SYN3: variants seen among roughly 807,000 people sequenced by gnomAD.
SYN3 encodes the protein synapsin III.
A neutral mutation model predicts 65.8 loss-of-function variants in SYN3; 35 were observed. The observed-to-expected ratio is 0.53, with a 90% CI of 0.41 to 0.70. SYN3 has a LOEUF of 0.70. Ranked by LOEUF, SYN3 falls within the 30% of genes least tolerant of loss-of-function variation. SYN3 has a pLI of 0.00. For missense variants in SYN3, 680 were observed against 749.0 expected, an observed-to-expected ratio of 0.91 and a Z score of 1.08; for synonymous variants, 270 against 292.9, an observed-to-expected ratio of 0.92 and a Z score of 0.80.
At chr22:32,523,381 C>T (rs1171741447) in intron 12 of SYN3, among the ~76,000 whole-genome samples, 1 of 152,142 alleles carries the variant, frequency 6.6e-6, no homozygotes, top group Admixed American at 6.5e-5. Context: ...GGTGTGGTGG[C>T]ATGCACCTGC....
intron 1 of SYN3, among the ~76,000 whole-genome samples, chr22:33,028,932 C>T (rs925081681): frequency 6.6e-6 from 1 of 151,672 alleles, no homozygotes; most frequent in Non-Finnish European, 1.5e-5. Flanking sequence ...CCCAGCTACT[C>T]GGGAGGCTGA....
intron 6 of SYN3, among the ~76,000 whole-genome samples, chr22:32,657,703 T>C (rs1383984250): frequency 6.6e-6 from 1 of 152,110 alleles, no homozygotes; most frequent in Non-Finnish European, 1.5e-5. Flanking sequence ...GACACAGCAG[T>C]CATGAACTGG....
intron 6 of SYN3, among the ~76,000 whole-genome samples, chr22:32,777,402 A>G (rs2045934114): frequency 6.6e-6 from 1 of 151,454 alleles, no homozygotes; most frequent in Non-Finnish European, 1.5e-5. Context: ...TTTTAATCCA[A>G]TTATTATCAC....
At chr22:32,764,710 C>T (rs932297035) in intron 6 of SYN3, among the ~76,000 whole-genome samples, 4 of 152,174 alleles carry the variant, frequency 2.6e-5, no homozygotes, top group Non-Finnish European at 5.9e-5. Context: ...GAATTAGGGG[C>T]ATTTAAAACT....
intron 6 of SYN3, among the ~76,000 whole-genome samples, chr22:32,727,234 C>T (rs577538421): frequency 5.9e-4 from 90 of 152,172 alleles, no homozygotes; most frequent in African/African-American, 2.0e-3. Flanking sequence ...TGAGAACATG[C>T]GTTATTTGGT....
intron 4 of SYN3, among the ~76,000 whole-genome samples, chr22:32,925,083 C>T (rs1338166482): frequency 6.6e-6 from 1 of 151,786 alleles, no homozygotes; most frequent in South Asian, 2.1e-4. Flanking sequence ...CAGAGAGAGA[C>T]CCTGTCTCAA....
Position 32,518,943 on chromosome 22 carries a change from C to G in SYN3, c.1319-609G>C, listed in dbSNP as rs542536375. On this transcript the variant is annotated intron_variant, in intron 12 of 13. Coordinates refer to ENST00000358763, the MANE Select transcript of SYN3 (RefSeq NM_003490.4). ...TACGGTGGGGCCCTAATCTGATAGG[C>G]CTGGTGTCCTTATAAGAGGAGAAAG... Among the ~76,000 whole-genome samples, 15 of 152,132 alleles carry G rather than the reference C, an allele frequency of 9.9e-5. No individual in the cohort carries two copies. In the South Asian group the frequency reaches 3.1e-3, roughly 32 times the overall value.
intron 7 of SYN3, among the ~76,000 whole-genome samples, chr22:32,575,751 C>T (rs2058841766): frequency 6.6e-6 from 1 of 152,148 alleles, no homozygotes; most frequent in Non-Finnish European, 1.5e-5. Context: ...GCTAAAATGA[C>T]TCTGGGCACG....
chr22:32,867,008 C>T (rs1191228773), intron 5 of SYN3, among the ~76,000 whole-genome samples: 2 of 152,170 alleles, frequency 1.3e-5, no homozygotes, highest in African/African-American at 4.8e-5. Flanking sequence ...ACTACCACCA[C>T]TTTCCAAATA....
chr22:32,738,291 C>T (rs558264170), intron 6 of SYN3, among the ~76,000 whole-genome samples: 55 of 152,324 alleles, frequency 3.6e-4, no homozygotes, highest in African/African-American at 1.3e-3. Context: ...AGAGATAACA[C>T]CTGCAGAGGC....
At chr22:32,962,503 A>C (rs2051686536) in intron 3 of SYN3, among the ~76,000 whole-genome samples, 1 of 152,226 alleles carries the variant, frequency 6.6e-6, no homozygotes, top group African/African-American at 2.4e-5. Flanking sequence ...GACTGAAAAG[A>C]AACCCAAAGC....
chr22:32,960,125 G>T (rs1316889364), intron 3 of SYN3, among the ~76,000 whole-genome samples: 1 of 152,168 alleles, frequency 6.6e-6, no homozygotes, highest in Non-Finnish European at 1.5e-5. Flanking sequence ...CTGATGCTTT[G>T]ACCCCTGGGC....
At chr22:33,029,016 G>A (rs1446295695) in intron 1 of SYN3, among the ~76,000 whole-genome samples, 1 of 151,690 alleles carries the variant, frequency 6.6e-6, no homozygotes. Context: ...CTACAGCCTG[G>A]GTGACAGAGC....
At chr22:33,002,275 G>T (rs1330768970) in intron 2 of SYN3, among the ~76,000 whole-genome samples, 1 of 152,178 alleles carries the variant, frequency 6.6e-6, no homozygotes, top group East Asian at 1.9e-4. Context: ...TGAGCAGGAA[G>T]CAGTAAAGTC....
At chr22:32,727,223 G>A (rs916451843) in intron 6 of SYN3, among the ~76,000 whole-genome samples, 3 of 152,048 alleles carry the variant, frequency 2.0e-5, no homozygotes, top group South Asian at 2.1e-4. Context: ...CCACTTATAC[G>A]TGAGAACATG....
At chr22:32,912,076 A>C (rs1348707273) in intron 4 of SYN3, among the ~76,000 whole-genome samples, 1 of 152,216 alleles carries the variant, frequency 6.6e-6, no homozygotes, top group Non-Finnish European at 1.5e-5. Context: ...GAATTTAGAA[A>C]TAATACATGC....
chr22:32,903,311 C>T (rs867129202), intron 4 of SYN3, among the ~76,000 whole-genome samples: 6 of 152,312 alleles, frequency 3.9e-5, no homozygotes, highest in Middle Eastern at 3.4e-3. Context: ...TATGTAAGTG[C>T]AAGCTGTTAT....
At chr22:32,588,830 C>T (rs139861132) in intron 7 of SYN3, among the ~76,000 whole-genome samples, 238 of 152,260 alleles carry the variant, frequency 1.6e-3, no homozygotes, top group African/African-American at 5.6e-3. Context: ...AGGTGGGAGG[C>T]AGGTCTTTAC....
rs560458488 is a variant in SYN3 at position 32,644,910 on chromosome 22, G to A, written c.712-48174C>T. ...GTTCAGACCTCTTTTTGGAATCACA[G>A]TGCCTTTGGCCCTCCACTGCCTAGC... On this transcript the variant is annotated intron_variant, in intron 6 of 13. Coordinates refer to ENST00000358763, the MANE Select transcript of SYN3 (RefSeq NM_003490.4). Among the ~76,000 whole-genome samples, 3 of 152,254 alleles carry A rather than the reference G, an allele frequency of 2.0e-5. No individual in the cohort carries two copies. The East Asian group carries it at 5.8e-4, about 29-fold the overall frequency.
Sources: allele counts gnomAD v4.1 joint callset (sites outside exome capture counted in the v4.1 genomes callset), GRCh38; gene constraint gnomAD v4.1.1; transcripts MANE v1.5; gene names NCBI Gene and HGNC (gene_info 2026-07-23, HGNC 2026-07-21).